The following TRAP1 variants were observed in gnomAD, a reference collection of about 807,000 sequenced individuals.
TRAP1 encodes TNF receptor associated protein 1.
TRAP1 carries 102 observed loss-of-function variants against 89.1 expected under a neutral mutation model. That is an observed-to-expected ratio of 1.15 (90% CI 0.98 to 1.35). TRAP1 has a LOEUF of 1.35. Ranked by LOEUF, TRAP1 falls within the 40% of genes most tolerant of loss-of-function variation. TRAP1 has a pLI of 0.00. For missense variants in TRAP1, 1,256 were observed against 945.3 expected, an observed-to-expected ratio of 1.33 and a Z score of -4.31; for synonymous variants, 508 against 388.0, an observed-to-expected ratio of 1.31 and a Z score of -3.64.
chr16:3,679,666 G>A lies in TRAP1; in HGVS notation c.543+53C>T, dbSNP rs1317480424. 2.5e-6 allele frequency: 4 copies of A among 1,594,178 alleles called. No individual in the cohort carries two copies. In the East Asian group the frequency reaches 6.7e-5, roughly 27 times the overall value. On this transcript the variant is annotated intron_variant, in intron 5 of 17. Coordinates refer to ENST00000246957, the MANE Select transcript of TRAP1 (RefSeq NM_016292.3). ...CACCCAGGGCCACCCCTACTGGAGG[G>A]ATCCTTGCACCCTGAGGGGAAGGGG... is the stretch of plus-strand genomic sequence containing the variant.
intron 16 of TRAP1, chr16:3,661,485 T>C (rs903876003): frequency 6.6e-6 from 1 of 152,234 alleles, no homozygotes; most frequent in African/African-American, 2.4e-5. Context: ...GCAGCCTGGC[T>C]CTCCACAACT....
intron 11 of TRAP1, among the ~76,000 whole-genome samples, chr16:3,666,474 T>G (rs1239662832): frequency 6.6e-6 from 1 of 152,080 alleles, no homozygotes; most frequent in Non-Finnish European, 1.5e-5. Context: ...GTACCAGGAT[T>G]TTCACTGTGG....
At chr16:3,694,335 C>T (rs1596737453) in intron 1 of TRAP1, among the ~76,000 whole-genome samples, 2 of 149,504 alleles carry the variant, frequency 1.3e-5, no homozygotes, top group Admixed American at 1.3e-4. Context: ...GATGAGGACG[C>T]GAACGTATCT....
intron 1 of TRAP1, among the ~76,000 whole-genome samples, chr16:3,711,280 A>C (rs1367433559): frequency 1.3e-5 from 2 of 152,114 alleles, no homozygotes; most frequent in African/African-American, 4.8e-5. Context: ...CAATCTACCC[A>C]ATCTACAGGA....
intron 10 of TRAP1, 110 bp from the exon 11 acceptor site, chr16:3,671,901 G>A (rs915931812): frequency 2.2e-5 from 25 of 1,141,076 alleles, no homozygotes; most frequent in Non-Finnish European, 2.7e-5. Flanking sequence ...CCCAGCACGT[G>A]TGCTAAGAGG....
At chr16:3,687,913 T>C (rs2051159252) in intron 3 of TRAP1, among the ~76,000 whole-genome samples, 1 of 144,672 alleles carries the variant, frequency 6.9e-6, no homozygotes, top group Admixed American at 6.9e-5. Flanking sequence ...AAAAATTAAG[T>C]CCGCAAGAGC....
At chr16:3,678,583 C>T (rs7197794) in intron 5 of TRAP1, 52,854 of 151,974 alleles carry the variant, frequency 0.35, 9,686 homozygotes, top group East Asian at 0.57. Context: ...CCCGCCTCAG[C>T]CTCCCGAGTA....
chr16:3,700,819 G>T (rs188118758), intron 1 of TRAP1, among the ~76,000 whole-genome samples: 1 of 151,966 alleles, frequency 6.6e-6, no homozygotes, highest in East Asian at 1.9e-4. Context: ...ATTCAAAGAA[G>T]AATAGCTTTA....
chr16:3,690,723 A>G, intron 2 of TRAP1, 104 bp downstream of exon 2: 1 of 1,194,218 alleles, frequency 8.4e-7, no homozygotes, highest in African/African-American at 1.6e-5. Context: ...TTTCACACCT[A>G]AGGCGGTGGC....
At chr16:3,663,711 G>T in intron 13 of TRAP1, 149 bp from the exon 14 acceptor site, 1 of 910,606 alleles carries the variant, frequency 1.1e-6, no homozygotes, top group South Asian at 1.7e-5. Flanking sequence ...CTGCATGACA[G>T]TTACTACGAC....
At chr16:3,685,111 A>C (rs1353533088) in intron 4 of TRAP1, among the ~76,000 whole-genome samples, 1 of 152,164 alleles carries the variant, frequency 6.6e-6, no homozygotes, top group African/African-American at 2.4e-5. Context: ...CTGTGCTGAA[A>C]ACAGGAGGAA....
chr16:3,693,758 C>G (rs1321387601), intron 1 of TRAP1, among the ~76,000 whole-genome samples: 1 of 152,036 alleles, frequency 6.6e-6, no homozygotes, highest in Non-Finnish European at 1.5e-5. Context: ...TTTGGGAGGC[C>G]AAGGCAGGAG....
intron 4 of TRAP1, among the ~76,000 whole-genome samples, chr16:3,683,585 C>T (rs749036246): frequency 3.3e-5 from 5 of 151,460 alleles, no homozygotes; most frequent in East Asian, 2.0e-4. Flanking sequence ...GGGGTTTCAC[C>T]GTGCTGGCCA....
intron 16 of TRAP1, chr16:3,661,355 C>T (rs1313089794): frequency 6.6e-6 from 1 of 151,956 alleles, no homozygotes; most frequent in Admixed American, 6.6e-5. Context: ...CGAGGGAAAT[C>T]TTACGGCTCA....
At chr16:3,664,246 G>A (rs1567223809) in intron 13 of TRAP1, 28 bp downstream of exon 13, 4 of 1,530,984 alleles carry the variant, frequency 2.6e-6, no homozygotes, top group Non-Finnish European at 3.5e-6. Context: ...GCAGCCCCCG[G>A]AGCCCGCCCC....
intron 1 of TRAP1, among the ~76,000 whole-genome samples, chr16:3,702,139 G>T (rs188918368): frequency 1.3e-5 from 2 of 149,608 alleles, no homozygotes; most frequent in East Asian, 3.9e-4. Flanking sequence ...GGGAAAATAT[G>T]AGGCTGTCAC....
intron 11 of TRAP1, among the ~76,000 whole-genome samples, chr16:3,668,352 G>A (rs2050865760): frequency 6.6e-6 from 1 of 152,110 alleles, no homozygotes; most frequent in Non-Finnish European, 1.5e-5. Context: ...GAGCCACCGC[G>A]CCCGGCCAAC....
intron 13 of TRAP1, 36 bp from the exon 14 acceptor site, chr16:3,663,598 G>C: frequency 6.2e-7 from 1 of 1,611,178 alleles, no homozygotes; most frequent in Non-Finnish European, 8.5e-7. Context: ...TCAGACCCCG[G>C]GGGCCTCCAG....
rs774123488 is a variant in TRAP1 at position 3,662,019 on chromosome 16, C to T, written c.1908G>A (p.Gln636=). Residue 636 remains glutamine, a synonymous_variant, in exon 16 of 18, where the codon CAG becomes CAA. Transcript: ENST00000246957. The part of the protein sequence containing the change: ...QLAKTQEERA[Q]LLQPTLEINP... ...TGATCTCCAGCGTGGGCTGCAGGAG[C>T]TGTGCGCGCTCCTCCTGGGTCTTGG... 2.5e-6 allele frequency: 4 copies of T among 1,612,110 alleles called. No homozygotes were observed. The highest frequency in any genetic ancestry group is 2.2e-5 in the South Asian group (2 of 90,992).
Sources: allele counts gnomAD v4.1 joint callset (sites outside exome capture counted in the v4.1 genomes callset), GRCh38; gene constraint gnomAD v4.1.1; transcripts MANE v1.5; gene names NCBI Gene and HGNC (gene_info 2026-07-23, HGNC 2026-07-21).